ASXL1: variants seen among roughly 807,000 people sequenced by gnomAD.
The protein encoded by ASXL1 is polycomb group protein ASXL1.
ASXL1 carries 65 observed loss-of-function variants against 89.1 expected under a neutral mutation model. That is an observed-to-expected ratio of 0.73 (90% CI 0.60 to 0.90). ASXL1 has a LOEUF of 0.90. Ranked by LOEUF, ASXL1 falls within the 40% of genes least tolerant of loss-of-function variation. The pLI is 0.00. For missense variants in ASXL1, 1,786 were observed against 1,942.9 expected (o/e 0.92, Z 1.52); for synonymous variants, 739 against 746.9 (o/e 0.99, Z 0.17).
At chr20:32,359,493 G>C in intron 1 of ASXL1, 1 of 653,440 alleles carries the variant, frequency 1.5e-6, no homozygotes, top group Non-Finnish European at 2.8e-6. Context: ...GATAGAGCCT[G>C]GGAATCTGCG....
chr20:32,398,603 G>GTTTTTTTTTTTTTTTT (rs375341392), intron 4 of ASXL1, among the ~76,000 whole-genome samples: 10 of 126,426 alleles, frequency 7.9e-5, no homozygotes, highest in Non-Finnish European at 7.9e-5. Context: ...TTTTTTGTTT[G>GTTTTTTTTTTTTTTTT]TTTTTTTTTT....
intron 4 of ASXL1, among the ~76,000 whole-genome samples, chr20:32,414,973 T>C (rs2049111866): frequency 6.9e-6 from 1 of 144,756 alleles, no homozygotes; most frequent in Non-Finnish European, 1.5e-5. Flanking sequence ...GTGTCATGAT[T>C]TTCTGGTGTT....
chr20:32,408,447 ACT>A (rs1420794153), intron 4 of ASXL1, among the ~76,000 whole-genome samples: 1 of 151,860 alleles, frequency 6.6e-6, no homozygotes, highest in Non-Finnish European at 1.5e-5. Flanking sequence ...CCAATATTTT[ACT>A]CTCCTGATTT....
At chr20:32,408,522 A>G (rs966769205) in intron 4 of ASXL1, among the ~76,000 whole-genome samples, 1 of 152,172 alleles carries the variant, frequency 6.6e-6, no homozygotes, top group African/African-American at 2.4e-5. Flanking sequence ...CCTTCTTAAA[A>G]TTGCTTGGAC....
At chr20:32,364,858 T>C (rs2048180153) in intron 1 of ASXL1, among the ~76,000 whole-genome samples, 1 of 152,210 alleles carries the variant, frequency 6.6e-6, no homozygotes, top group Non-Finnish European at 1.5e-5. Flanking sequence ...CATGTGTTTG[T>C]TGAATGAAGG....
At chr20:32,410,213 G>A (rs967664493) in intron 4 of ASXL1, among the ~76,000 whole-genome samples, 2 of 152,282 alleles carry the variant, frequency 1.3e-5, no homozygotes, top group South Asian at 2.1e-4. Flanking sequence ...CAAGACCAGT[G>A]GGTGCCTGAA....
intron 4 of ASXL1, among the ~76,000 whole-genome samples, chr20:32,412,824 G>A (rs2049074014): frequency 6.6e-6 from 1 of 151,866 alleles, no homozygotes; most frequent in Admixed American, 6.6e-5. Context: ...ATTCCAAAGT[G>A]TTAGGATTAT....
intron 1 of ASXL1, among the ~76,000 whole-genome samples, chr20:32,361,841 G>A (rs185875795): frequency 2.0e-5 from 3 of 152,116 alleles, no homozygotes; most frequent in East Asian, 3.9e-4. Flanking sequence ...CGAGGCAGAC[G>A]GATCACCTGA....
chr20:32,359,490 C>T, intron 1 of ASXL1: 2 of 656,504 alleles, frequency 3.0e-6, no homozygotes, highest in Non-Finnish European at 5.5e-6. Context: ...TGGGATAGAG[C>T]CTGGGAATCT....
chr20:32,391,943 A>G (rs1215320901), intron 4 of ASXL1, among the ~76,000 whole-genome samples: 4 of 147,558 alleles, frequency 2.7e-5, no homozygotes, highest in Non-Finnish European at 6.0e-5. Context: ...TGTCTGTTTC[A>G]TTATATTTGT....
chr20:32,398,444 G>A (rs2048807183), intron 4 of ASXL1, among the ~76,000 whole-genome samples: 1 of 151,794 alleles, frequency 6.6e-6, no homozygotes, highest in South Asian at 2.1e-4. Context: ...AGAAAACCCC[G>A]TATTTATTAA....
intron 4 of ASXL1, among the ~76,000 whole-genome samples, chr20:32,382,048 C>T (rs1178775672): frequency 2.7e-5 from 4 of 150,450 alleles, no homozygotes; most frequent in South Asian, 2.1e-4. Context: ...CTCCACTTCC[C>T]GGGTTCAAGT....
chr20:32,361,415 G>A (rs1429800852), intron 1 of ASXL1, among the ~76,000 whole-genome samples: 1 of 151,778 alleles, frequency 6.6e-6, no homozygotes, highest in Non-Finnish European at 1.5e-5. Context: ...CGAGGTGGGT[G>A]GATCACAGGG....
chr20:32,416,899 G>T (rs968210505), intron 4 of ASXL1, among the ~76,000 whole-genome samples: 7 of 152,258 alleles, frequency 4.6e-5, no homozygotes, highest in African/African-American at 1.7e-4. Flanking sequence ...CAAGTTTTAT[G>T]CTTAAAAAGT....
intron 4 of ASXL1, among the ~76,000 whole-genome samples, chr20:32,402,349 C>T (rs1444048190): frequency 6.6e-6 from 1 of 152,230 alleles, no homozygotes; most frequent in Non-Finnish European, 1.5e-5. Flanking sequence ...GCCACTGTGC[C>T]TGGCCCCACT....
chr20:32,377,800 G>C (rs2048411365), intron 4 of ASXL1, among the ~76,000 whole-genome samples: 1 of 151,780 alleles, frequency 6.6e-6, no homozygotes, highest in African/African-American at 2.4e-5. Flanking sequence ...TTACAGACAT[G>C]AGGCACCATG....
intron 4 of ASXL1, among the ~76,000 whole-genome samples, chr20:32,397,551 C>G (rs1003207316): frequency 2.0e-5 from 3 of 151,776 alleles, no homozygotes; most frequent in African/African-American, 7.3e-5. Context: ...AGGTGTGTGC[C>G]ACCACTCCCA....
chr20:32,421,862 T>G (rs1015606951), intron 4 of ASXL1, among the ~76,000 whole-genome samples: 4 of 128,524 alleles, frequency 3.1e-5, no homozygotes, highest in Non-Finnish European at 6.5e-5. Flanking sequence ...GGGTGGTTTC[T>G]TTTCTTTTTT....
intron 4 of ASXL1, among the ~76,000 whole-genome samples, chr20:32,422,678 C>A (rs1040489259): frequency 4.0e-5 from 6 of 149,564 alleles, no homozygotes; most frequent in Admixed American, 3.4e-4. Context: ...CCTTTGCCTT[C>A]CAGGTTCAAG....
Sources: allele counts gnomAD v4.1 joint callset (sites outside exome capture counted in the v4.1 genomes callset), GRCh38; gene constraint gnomAD v4.1.1; transcripts MANE v1.5; gene names NCBI Gene and HGNC (gene_info 2026-07-23, HGNC 2026-07-21).